The following CALM2 variants were observed in gnomAD, a reference collection of about 807,000 sequenced individuals.
The protein encoded by CALM2 is calmodulin 2, also known as calmodulin-2.
CALM2 carries 2 observed loss-of-function variants against 19.8 expected under a neutral mutation model. The observed-to-expected ratio is 0.10, with a 90% CI of 0.04 to 0.32. The LOEUF (loss-of-function observed/expected upper bound fraction) is 0.32. Among genes scored for constraint, CALM2 ranks in the 10% least tolerant of loss-of-function variants. The pLI, the probability that CALM2 is intolerant of heterozygous loss-of-function variation, is 1.00. For missense variants in CALM2, 38 were observed against 178.7 expected (o/e 0.21, Z 4.49); for synonymous variants, 51 against 52.1 (o/e 0.98, Z 0.09).
intron 1 of CALM2, chr2:47,176,183 G>T: frequency 2.0e-6 from 1 of 507,906 alleles, no homozygotes; most frequent in Non-Finnish European, 3.5e-6. Context: ...CTCCAGCCAA[G>T]CCCCCGAGGA....
chr2:47,168,186 T>C (rs1173080714), intron 2 of CALM2, among the ~76,000 whole-genome samples: 3 of 152,148 alleles, frequency 2.0e-5, no homozygotes, highest in Non-Finnish European at 4.4e-5. Flanking sequence ...ATTTTTATTT[T>C]AGTAGCATAG....
intron 2 of CALM2, 199 bp from the exon 3 acceptor site, chr2:47,162,861 GT>G (rs1687198368): frequency 2.1e-6 from 1 of 480,276 alleles, no homozygotes; most frequent in African/African-American, 2.0e-5. Context: ...ACCAATGGAG[GT>G]AGCAATTGAA....
At chr2:47,173,917 G>C (rs1214677378) in intron 1 of CALM2, 1 of 152,168 alleles carries the variant, frequency 6.6e-6, no homozygotes, top group African/African-American at 2.4e-5. Flanking sequence ...AAGATCACTG[G>C]AACAAAATGG....
chr2:47,176,690 G>T (rs998729470), upstream of CALM2: 6 of 1,418,846 alleles, frequency 4.2e-6, no homozygotes, highest in East Asian at 7.9e-5. Flanking sequence ...AAGGAAAGTG[G>T]GCGAACGGAT....
Position 47,162,203 on chromosome 2 carries a change from A to C in CALM2, c.285+83T>G, listed in dbSNP as rs3729954. Reference sequence around the variant, plus strand: ...AAAAAAAAAAAAAAAAAAAAAAACAACCAAAAAAACACAAGTCTTCATAAT... The same window carrying C: ...AAAAAAAAAAAAAAAAAAAAAAACACCCAAAAAAACACAAGTCTTCATAAT... On this transcript the variant is annotated intron_variant, in intron 4 of 5. Transcript: ENST00000272298. The C allele has an allele frequency of 0.093, 45,353 of 487,754 alleles. 4,722 individuals carry two copies. Among genetic ancestry groups the C allele is most frequent in the African/African-American group, 0.36 (14,803 of 41,496 alleles). 30.2% of individuals were successfully genotyped at this position (487,754 alleles called of 1,614,324 possible). A position where few individuals can be genotyped will look rare whatever the true frequency, so the allele number is the denominator to read the frequency against.
chr2:47,170,055 A>C (rs1666614718), intron 2 of CALM2, among the ~76,000 whole-genome samples: 1 of 152,176 alleles, frequency 6.6e-6, no homozygotes, highest in Non-Finnish European at 1.5e-5. Flanking sequence ...GATAAATCAA[A>C]AGTATTAATG....
chr2:47,174,430 T>A (rs953092563), intron 1 of CALM2, among the ~76,000 whole-genome samples: 4 of 152,172 alleles, frequency 2.6e-5, no homozygotes, highest in Non-Finnish European at 5.9e-5. Context: ...TTTTTTTTAA[T>A]TGGATTCCTA....
At chr2:47,169,756 G>C (rs1234413487) in intron 2 of CALM2, among the ~76,000 whole-genome samples, 1 of 152,078 alleles carries the variant, frequency 6.6e-6, no homozygotes, top group African/African-American at 2.4e-5. Flanking sequence ...TGGAAGTGGG[G>C]AGCTTGCTTT....
At chr2:47,176,750 G>A, upstream of CALM2, 1 of 1,365,682 alleles carries the variant, frequency 7.3e-7, no homozygotes, top group East Asian at 2.9e-5. Context: ...CCGGTGGAGC[G>A]GCCCCTGAGG....
At chr2:47,168,746 A>T (rs1378363064) in intron 2 of CALM2, among the ~76,000 whole-genome samples, 3 of 150,678 alleles carry the variant, frequency 2.0e-5, no homozygotes, top group African/African-American at 7.3e-5. Context: ...GCTATCAATC[A>T]CTGAAGAGGG....
chr2:47,161,189 G>T (rs761089313), intron 5 of CALM2, among the ~76,000 whole-genome samples: 10 of 152,026 alleles, frequency 6.6e-5, no homozygotes, highest in Non-Finnish European at 1.3e-4. Context: ...GTTACATCAT[G>T]AAAAAAATAC....
chr2:47,164,237 C>CA (rs1156384263), intron 2 of CALM2, among the ~76,000 whole-genome samples: 3,970 of 38,508 alleles, frequency 0.1, 416 homozygotes, highest in African/African-American at 0.22. Flanking sequence ...GACTCCGTCT[C>CA]AAAAAAAAAA....
intron 2 of CALM2, among the ~76,000 whole-genome samples, chr2:47,168,724 A>C (rs1666569236): frequency 6.6e-6 from 1 of 152,182 alleles, no homozygotes; most frequent in Non-Finnish European, 1.5e-5. Flanking sequence ...AAATAAATTA[A>C]AAAATAAAAA....
At chr2:47,161,689 A>G in intron 5 of CALM2, 34 bp downstream of exon 5, 1 of 1,580,426 alleles carries the variant, frequency 6.3e-7, no homozygotes, top group Non-Finnish European at 8.6e-7. Context: ...TAAAAATCAA[A>G]GTGAAGAATG....
upstream of CALM2, chr2:47,176,900 C>G (rs72877091): frequency 4.8e-4 from 477 of 985,410 alleles, 5 homozygotes; most frequent in African/African-American, 7.9e-3. Context: ...GGTGCGGCTT[C>G]TGCCGTTGCT....
At chr2:47,161,607 T>G in intron 5 of CALM2, 116 bp downstream of exon 5, 1 of 877,168 alleles carries the variant, frequency 1.1e-6, no homozygotes, top group South Asian at 1.8e-5. Flanking sequence ...TGTAAGTAAC[T>G]GTTTTAGCAA....
intron 2 of CALM2, among the ~76,000 whole-genome samples, chr2:47,168,131 T>A (rs1444576852): frequency 6.6e-6 from 1 of 152,148 alleles, no homozygotes; most frequent in Non-Finnish European, 1.5e-5. Context: ...ATGTGGCAGG[T>A]ACCGGGCCTA....
In CALM2 at chr2:47,160,671, A is replaced by AT. The variant is rs1573212585; in HGVS notation, c.*104dup. Reference sequence around the variant, plus strand: ...GAAGTCCTAATTACTATACATGCATATTTTTTTGACAGTAGGGAGAAACCT... The same window carrying AT: ...GAAGTCCTAATTACTATACATGCATATTTTTTTTGACAGTAGGGAGAAACCT... On this transcript the variant is annotated 3_prime_UTR_variant, in exon 6 of 6. Transcript: ENST00000272298. The AT allele has an allele frequency of 9.7e-6, 6 of 621,570 alleles. No homozygotes were observed. The highest frequency in any genetic ancestry group is 1.7e-5 in the Non-Finnish European group (6 of 358,422). 38.5% of individuals were successfully genotyped at this position (621,570 alleles called of 1,614,324 possible).
intron 2 of CALM2, among the ~76,000 whole-genome samples, chr2:47,165,958 G>A (rs915800017): frequency 6.6e-5 from 10 of 152,176 alleles, no homozygotes; most frequent in South Asian, 6.2e-4. Flanking sequence ...AGGCTCCATC[G>A]TCCTTTGCCA....
Sources: gnomAD v4.1 joint callset for allele counts (sites outside exome capture counted in the v4.1 genomes callset) on GRCh38, gnomAD v4.1.1 for gene constraint, MANE v1.5 for transcripts, NCBI Gene and HGNC (gene_info 2026-07-23, HGNC 2026-07-21) for gene names.